Variants in CNTN4 observed in about 807,000 individuals in gnomAD.
CNTN4 encodes contactin 4.
Under a neutral mutation model 122.5 loss-of-function variants are expected in CNTN4, and 77 were observed. That is an observed-to-expected ratio of 0.63 (90% CI 0.52 to 0.76). The LOEUF is 0.76. CNTN4 is among the 30% of genes least tolerant of loss of function. CNTN4 has a pLI of 0.00. For missense variants in CNTN4, 1,256 were observed against 1,259.1 expected, an observed-to-expected ratio of 1.00 and a Z score of 0.04; for synonymous variants, 512 against 447.0, an observed-to-expected ratio of 1.15 and a Z score of -1.83.
chr3:2,132,591 A>T (rs1255260200), intron 2 of CNTN4: 1 of 152,162 alleles, frequency 6.6e-6, no homozygotes, highest in Non-Finnish European at 1.5e-5. Context: ...TGTGATGAGG[A>T]TAGTGATCAT....
rs114696356 is a variant in CNTN4, at chr3:2,178,403, C to T, written c.-145+77764C>T. Among the ~76,000 whole-genome samples, 1,164 of 151,788 alleles carry T rather than the reference C, an allele frequency of 7.7e-3. 13 individuals carry two copies. Among genetic ancestry groups the T allele is most frequent in the African/African-American group, 0.027 (1,098 of 41,406 alleles). On this transcript the variant is annotated intron_variant, in intron 2 of 24. Transcript: ENST00000418658. ...AAAGTGTGATAGGCATCCTACCACA[C>T]AAAGTAGTGTTTGCTTTAATAGATT...
intron 6 of CNTN4, among the ~76,000 whole-genome samples, chr3:2,752,495 A>G (rs1302590376): frequency 1.3e-5 from 2 of 152,014 alleles, no homozygotes; most frequent in Non-Finnish European, 2.9e-5. Flanking sequence ...CCTCCCATGT[A>G]GCTGGGAATA....
At chr3:2,781,756 G>A (rs1005564834) in intron 6 of CNTN4, among the ~76,000 whole-genome samples, 10 of 117,864 alleles carry the variant, frequency 8.5e-5, no homozygotes, top group African/African-American at 2.0e-4. Context: ...ACGGAGTGTC[G>A]CTCTGTCGCC....
At chr3:2,419,803 G>A (rs2047549089) in intron 3 of CNTN4, among the ~76,000 whole-genome samples, 1 of 152,182 alleles carries the variant, frequency 6.6e-6, no homozygotes, top group Non-Finnish European at 1.5e-5. Context: ...TTATACAAAT[G>A]TGTGTGGTTT....
At chr3:2,220,296 A>C (rs1179519138) in intron 2 of CNTN4, among the ~76,000 whole-genome samples, 1 of 152,146 alleles carries the variant, frequency 6.6e-6, no homozygotes, top group African/African-American at 2.4e-5. Flanking sequence ...CTTGTGTTCT[A>C]TGTAGGTGAG....
intron 3 of CNTN4, among the ~76,000 whole-genome samples, chr3:2,535,482 G>T (rs142727339): frequency 6.6e-6 from 1 of 152,222 alleles, no homozygotes; most frequent in African/African-American, 2.4e-5. Context: ...CATCATGTGA[G>T]GTAGGTAGCT....
At chr3:2,166,892 C>A (rs1313591329) in intron 2 of CNTN4, among the ~76,000 whole-genome samples, 2 of 151,808 alleles carry the variant, frequency 1.3e-5, no homozygotes, top group Middle Eastern at 3.4e-3. Context: ...TGCAAAATAA[C>A]ACATAAGAAA....
intron 2 of CNTN4, among the ~76,000 whole-genome samples, chr3:2,244,455 T>C (rs895601097): frequency 2.0e-5 from 3 of 152,056 alleles, no homozygotes; most frequent in African/African-American, 7.2e-5. Flanking sequence ...CAAAGTGATA[T>C]GTGCTGTAAG....
At chr3:2,493,811 A>T (rs2076380853) in intron 3 of CNTN4, among the ~76,000 whole-genome samples, 1 of 152,130 alleles carries the variant, frequency 6.6e-6, no homozygotes, top group Non-Finnish European at 1.5e-5. Flanking sequence ...TGGGGAAATG[A>T]TTCGGCTGGG....
intron 3 of CNTN4, among the ~76,000 whole-genome samples, chr3:2,521,357 C>CCCCCCCCCCG (rs10663515): frequency 6.8e-6 from 1 of 147,708 alleles, no homozygotes; most frequent in African/African-American, 2.5e-5. Flanking sequence ...CCCCACCCCC[C>CCCCCCCCCCG]GCAATAAGTC....
At chr3:2,128,810 A>G (rs1336988509) in intron 2 of CNTN4, among the ~76,000 whole-genome samples, 1 of 152,232 alleles carries the variant, frequency 6.6e-6, no homozygotes, top group African/African-American at 2.4e-5. Context: ...AGAAAACCAT[A>G]AAGAGCCAAC....
At chr3:2,817,759 A>T (rs4685566) in intron 6 of CNTN4, among the ~76,000 whole-genome samples, 47,593 of 152,156 alleles carry the variant, frequency 0.31, 8,579 homozygotes, top group Non-Finnish European at 0.41. Context: ...AATGTAGATG[A>T]CTTACTCTAA....
chr3:3,042,313 C>G lies in CNTN4; in HGVS notation c.2402C>G (p.Pro801Arg). 6.2e-7 allele frequency: 1 copy of G among 1,612,984 alleles called. No individual in the cohort carries two copies. Among genetic ancestry groups the G allele is most frequent in the Non-Finnish European group, 8.5e-7 (1 of 1,178,960 alleles). ...CTATCTCCATATTCATCTACAGAAC[C>G]CACCAAACCACCAGCCAGTATCTTT... Reference protein sequence around the residue: ...TTVVYSAEEEPTKPPASIFAR... With the variant: ...TTVVYSAEEERTKPPASIFAR... The change falls in exon 21 of 25, where the codon CCC becomes CGC. Residue 801 changes from proline to arginine, a missense_variant. Coordinates refer to ENST00000418658, the MANE Select transcript of CNTN4 (RefSeq NM_175607.3).
At chr3:2,322,068 A>G (rs1335660431) in intron 2 of CNTN4, among the ~76,000 whole-genome samples, 2 of 152,188 alleles carry the variant, frequency 1.3e-5, no homozygotes, top group African/African-American at 4.8e-5. Flanking sequence ...TACATGAAAA[A>G]ATTCTCTACT....
chr3:2,967,534 A>G (rs1182654889), intron 13 of CNTN4, among the ~76,000 whole-genome samples: 1 of 152,150 alleles, frequency 6.6e-6, no homozygotes, highest in Non-Finnish European at 1.5e-5. Context: ...TTAAACTATA[A>G]ACTATAAACT....
At chr3:3,010,110 G>C (rs1384872572) in intron 14 of CNTN4, among the ~76,000 whole-genome samples, 1 of 151,990 alleles carries the variant, frequency 6.6e-6, no homozygotes, top group Non-Finnish European at 1.5e-5. Flanking sequence ...GTTCAACCTG[G>C]TGTCCTCTGG....
intron 6 of CNTN4, among the ~76,000 whole-genome samples, chr3:2,770,339 C>G (rs189584854): frequency 6.6e-6 from 1 of 152,288 alleles, no homozygotes; most frequent in East Asian, 1.9e-4. Context: ...TCTTCCATCT[C>G]TTTCTATTTA....
chr3:2,334,592 A>G (rs1018806977), intron 2 of CNTN4, among the ~76,000 whole-genome samples: 1 of 152,246 alleles, frequency 6.6e-6, no homozygotes, highest in African/African-American at 2.4e-5. Flanking sequence ...CTTAGACTCA[A>G]ATATGACTTT....
At chr3:2,287,916 A>G (rs551059499) in intron 2 of CNTN4, among the ~76,000 whole-genome samples, 1 of 152,306 alleles carries the variant, frequency 6.6e-6, no homozygotes, top group East Asian at 1.9e-4. Context: ...ATAAAAATGT[A>G]TGAACTTATT....
Sources: gnomAD v4.1 joint callset for allele counts (sites outside exome capture counted in the v4.1 genomes callset) on GRCh38, gnomAD v4.1.1 for gene constraint, MANE v1.5 for transcripts, NCBI Gene and HGNC (gene_info 2026-07-23, HGNC 2026-07-21) for gene names.